DGKI: variants seen among roughly 807,000 people sequenced by gnomAD.
The protein encoded by DGKI is DAG kinase iota.
A neutral mutation model predicts 147.5 loss-of-function variants in DGKI; 55 were observed. That is an observed-to-expected ratio of 0.37 (90% CI 0.30 to 0.47). DGKI has a LOEUF of 0.47. Among genes scored for constraint, DGKI ranks in the 20% least tolerant of loss-of-function variants. The pLI is 1.00. For synonymous variants in DGKI, 469 were observed against 477.1 expected, an observed-to-expected ratio of 0.98 and a Z score of 0.22; for missense variants, 1,007 against 1,323.8, an observed-to-expected ratio of 0.76 and a Z score of 3.71.
At chr7:137,510,557 A>T (rs746106409) in intron 21 of DGKI, among the ~76,000 whole-genome samples, 1 of 152,254 alleles carries the variant, frequency 6.6e-6, no homozygotes, top group Non-Finnish European at 1.5e-5. Flanking sequence ...GAAAATCAAG[A>T]TGAAATATTA....
At chr7:137,548,404 G>A (rs560253271) in intron 20 of DGKI, among the ~76,000 whole-genome samples, 2 of 152,236 alleles carry the variant, frequency 1.3e-5, no homozygotes, top group South Asian at 4.2e-4. Context: ...GGGTCATGGG[G>A]GCAGATCCCT....
At chr7:137,744,279 G>C (rs1344686351) in intron 1 of DGKI, among the ~76,000 whole-genome samples, 1 of 152,076 alleles carries the variant, frequency 6.6e-6, no homozygotes, top group Non-Finnish European at 1.5e-5. Flanking sequence ...ACAGACTAGA[G>C]AATCTTGAGA....
chr7:137,466,134 C>T lies in DGKI; in HGVS notation c.2485-99G>A. 1.3e-5 allele frequency: 19 copies of T among 1,422,906 alleles called. No homozygotes were observed. In the Admixed American group the frequency reaches 2.9e-4, roughly 21 times the overall value. The allele number at this position is 1,422,906 out of a possible 1,614,324, so 88.1% of individuals were successfully genotyped here. A position where few individuals can be genotyped will look rare whatever the true frequency, so the allele number is the denominator to read the frequency against. ...TTCTGCAACGTGTCAAAGGATCACA[C>T]TGTGTTGTCAGAAGCTTGATCAGTT... On this transcript the variant is annotated intron_variant, in intron 25 of 32. Coordinates refer to ENST00000614521, the MANE Select transcript of DGKI (RefSeq NM_001321708.2).
intron 31 of DGKI, 109 bp downstream of exon 31, chr7:137,397,268 G>T: frequency 9.6e-7 from 1 of 1,046,990 alleles, no homozygotes. Context: ...AGTGGACTTT[G>T]AATTAATTAA....
chr7:137,812,103 G>A (rs935837559), intron 1 of DGKI, among the ~76,000 whole-genome samples: 11 of 152,164 alleles, frequency 7.2e-5, no homozygotes, highest in Non-Finnish European at 1.0e-4. Context: ...CCAGGGAGAT[G>A]CCCTTCACTT....
chr7:137,604,103 C>T (rs1820089426), intron 10 of DGKI, among the ~76,000 whole-genome samples: 1 of 152,122 alleles, frequency 6.6e-6, no homozygotes, highest in African/African-American at 2.4e-5. Context: ...ACTATGATTT[C>T]AGAAATAGGA....
intron 1 of DGKI, among the ~76,000 whole-genome samples, chr7:137,714,546 G>C (rs539109401): frequency 1.3e-5 from 2 of 152,176 alleles, no homozygotes; most frequent in Admixed American, 6.6e-5. Flanking sequence ...AGGAAGCTAT[G>C]GATTGCCCAA....
intron 19 of DGKI, among the ~76,000 whole-genome samples, chr7:137,554,517 A>G (rs1216882608): frequency 2.6e-5 from 4 of 152,178 alleles, no homozygotes; most frequent in African/African-American, 4.8e-5. Flanking sequence ...ATTGCCATTT[A>G]TTGACCCAAG....
intron 21 of DGKI, among the ~76,000 whole-genome samples, chr7:137,488,196 T>C (rs1038082795): frequency 3.9e-5 from 6 of 152,126 alleles, no homozygotes; most frequent in African/African-American, 1.4e-4. Context: ...TTCCTATTTA[T>C]GAGACTTGAG....
intron 1 of DGKI, among the ~76,000 whole-genome samples, chr7:137,765,801 T>C (rs1408090640): frequency 6.6e-6 from 1 of 152,248 alleles, no homozygotes; most frequent in East Asian, 1.9e-4. Flanking sequence ...CCTCCCGGAA[T>C]CCTGCAGCCC....
chr7:137,791,176 T>C lies in DGKI; in HGVS notation c.401+55286A>G, dbSNP rs572864430. ...TGTGTATGTGTCTACCTCTCCTGTTTTTCTCTCTTTCCTTCTTATCCACTC... is the reference window on the plus strand; with the variant it reads ...TGTGTATGTGTCTACCTCTCCTGTTCTTCTCTCTTTCCTTCTTATCCACTC... On this transcript the variant is annotated intron_variant, in intron 1 of 32. Coordinates refer to ENST00000614521, the MANE Select transcript of DGKI (RefSeq NM_001321708.2). Among the ~76,000 whole-genome samples the C allele has an allele frequency of 8.1e-4, 123 of 152,322 alleles. 1 individual carries two copies. The South Asian group carries it at 0.024, about 30-fold the overall frequency.
At chr7:137,741,572 G>A (rs924910965) in intron 1 of DGKI, among the ~76,000 whole-genome samples, 4 of 152,140 alleles carry the variant, frequency 2.6e-5, no homozygotes, top group African/African-American at 7.2e-5. Flanking sequence ...TGGAATGCAT[G>A]GTGTGGTGCT....
intron 20 of DGKI, among the ~76,000 whole-genome samples, chr7:137,532,340 G>T (rs908757310): frequency 6.6e-6 from 1 of 152,042 alleles, no homozygotes; most frequent in African/African-American, 2.4e-5. Flanking sequence ...GACAATAAGC[G>T]GCATTACATA....
At chr7:137,762,216 C>A (rs1298496546) in intron 1 of DGKI, among the ~76,000 whole-genome samples, 2 of 152,136 alleles carry the variant, frequency 1.3e-5, no homozygotes, top group African/African-American at 4.8e-5. Context: ...ACAGTATATC[C>A]CAAACTTAAC....
At chr7:137,517,636 T>C (rs566603026) in intron 21 of DGKI, among the ~76,000 whole-genome samples, 8 of 152,126 alleles carry the variant, frequency 5.3e-5, no homozygotes, top group Non-Finnish European at 1.0e-4. Context: ...GGGGGAGGAA[T>C]GCACAGGAAT....
Position 137,391,022 on chromosome 7 carries a change from G to T in DGKI, c.*198C>A. 3.5e-6 allele frequency: 2 copies of T among 574,430 alleles called. No individual in the cohort carries two copies. The highest frequency in any genetic ancestry group is 4.1e-5 in the South Asian group (2 of 48,926). The allele number at this position is 574,430 out of a possible 1,614,324, so 35.6% of individuals were successfully genotyped here. On this transcript the variant is annotated 3_prime_UTR_variant, in exon 33 of 33. Transcript: ENST00000614521. ...TATTCCACAAATCTCCAGGTATCCT[G>T]CCTCCTTCTCAATGGGCTATCATGT... is the stretch of plus-strand genomic sequence containing the variant.
Position 137,459,769 on chromosome 7 carries a change from C to T in DGKI, c.2735+3720G>A, listed in dbSNP as rs578015873. Among the ~76,000 whole-genome samples, 6 of 152,128 alleles carry T rather than the reference C, an allele frequency of 3.9e-5. No individual in the cohort carries two copies. In the South Asian group the frequency reaches 8.3e-4, roughly 21 times the overall value. Reference sequence around the variant, plus strand: ...GATTACAGGCGTGAGCCACTGAGCCCGGCCAAAAATTTTATTTTCTGTTCA... The same window carrying T: ...GATTACAGGCGTGAGCCACTGAGCCTGGCCAAAAATTTTATTTTCTGTTCA... On this transcript the variant is annotated intron_variant, in intron 27 of 32. Coordinates refer to ENST00000614521, the MANE Select transcript of DGKI (RefSeq NM_001321708.2).
intron 1 of DGKI, among the ~76,000 whole-genome samples, chr7:137,833,757 G>A (rs1798285059): frequency 2.0e-5 from 3 of 152,204 alleles, no homozygotes; most frequent in African/African-American, 7.2e-5. Flanking sequence ...GATGCTATCA[G>A]GGTGGTGAGA....
chr7:137,413,196 G>T (rs1219112473), intron 28 of DGKI, among the ~76,000 whole-genome samples: 5 of 150,538 alleles, frequency 3.3e-5, no homozygotes, highest in Non-Finnish European at 7.4e-5. Flanking sequence ...GAATTCGAGA[G>T]GTGGAGTTGC....
Sources: gnomAD v4.1 joint callset for allele counts (sites outside exome capture counted in the v4.1 genomes callset) on GRCh38, gnomAD v4.1.1 for gene constraint, MANE v1.5 for transcripts, NCBI Gene and HGNC (gene_info 2026-07-23, HGNC 2026-07-21) for gene names.